PIK3CD: variants seen among roughly 807,000 people sequenced by gnomAD.
PIK3CD encodes the protein phosphatidylinositol-4,5-bisphosphate 3-kinase catalytic subunit delta, also known as phosphatidylinositol 4,5-bisphosphate 3-kinase catalytic subunit delta isoform.
PIK3CD carries 20 observed loss-of-function variants against 122.9 expected under a neutral mutation model. The observed-to-expected ratio is 0.16, with a 90% confidence interval of 0.11 to 0.24. The LOEUF (loss-of-function observed/expected upper bound fraction) is 0.24, where lower values mean the gene tolerates loss of function less well. PIK3CD is among the 10% of genes least tolerant of loss of function. The pLI is 1.00. For missense variants in PIK3CD, 787 were observed against 1,406.3 expected (o/e 0.56, Z 7.04); for synonymous variants, 596 against 593.4 (o/e 1.00, Z -0.06).
chr1:9,701,600 C>T (rs945910964), intron 2 of PIK3CD, among the ~76,000 whole-genome samples: 4 of 139,122 alleles, frequency 2.9e-5, no homozygotes, highest in East Asian at 2.2e-4. Flanking sequence ...ACCTGGGAGG[C>T]GGGGATTGCA....
rs570986988 is a variant in PIK3CD at position 9,704,291 on chromosome 1, T to G, written c.-32-6133T>G. On this transcript the variant is annotated intron_variant, in intron 2 of 23. Transcript: ENST00000377346. This position sits in a 1 kb window ranked among gnomAD's most constrained non-coding sequence, Gnocchi z 5.0. ...GTTGAAGACTTCATTTCCAGAGTGC[T>G]AAGGGGCAGGAGAGTGAGGGGTGTA... 6.6e-6 allele frequency among the ~76,000 whole-genome samples: 1 copy of G among 152,292 alleles called. No individual in the cohort carries two copies. Among genetic ancestry groups the G allele is most frequent in the East Asian group, 1.9e-4 (1 of 5,182 alleles).
At chr1:9,662,843 C>T (rs1165689144) in intron 1 of PIK3CD, among the ~76,000 whole-genome samples, 2 of 152,138 alleles carry the variant, frequency 1.3e-5, no homozygotes, top group Non-Finnish European at 2.9e-5. Context: ...TGCATGCCAC[C>T]ACGCCTGGCT....
rs143168081 is a variant in PIK3CD, at chr1:9,724,858, C to T, written c.2919C>T (p.Leu973=). ...CCATCCTGCGGCGCCACGGGCTTCTCTTCCTCCACCTCTTTGCCCTGATGC... is the reference window on the plus strand; with the variant it reads ...CCATCCTGCGGCGCCACGGGCTTCTTTTCCTCCACCTCTTTGCCCTGATGC... ...AYTILRRHGL[L]FLHLFALMRA... Residue 973 remains leucine (L), a synonymous_variant, in exon 23 of 24, where the codon CTC becomes CTT. Coordinates refer to ENST00000377346, the MANE Select transcript of PIK3CD (RefSeq NM_005026.5). The surrounding 1 kb of genome is among the most constrained non-coding windows in gnomAD (Gnocchi z 7.3). 1.5e-3 allele frequency: 2,454 copies of T among 1,614,064 alleles called. 1 individual carries two copies. Among genetic ancestry groups the T allele is most frequent in the Non-Finnish European group, 1.9e-3 (2,243 of 1,180,038 alleles).
intron 1 of PIK3CD, chr1:9,688,062 C>T (rs1394817640): frequency 6.6e-6 from 1 of 152,218 alleles, no homozygotes; most frequent in African/African-American, 2.4e-5. Flanking sequence ...CTGGTCCTTT[C>T]ATTCTGGGCT....
At chr1:9,699,144 A>G (rs1428250851) in intron 2 of PIK3CD, among the ~76,000 whole-genome samples, 4 of 152,098 alleles carry the variant, frequency 2.6e-5, no homozygotes, top group African/African-American at 9.7e-5. Flanking sequence ...TACGAGGTCA[A>G]GGCTACAGTG....
upstream of PIK3CD, among the ~76,000 whole-genome samples, chr1:9,647,868 G>A (rs1281864460): frequency 6.6e-6 from 1 of 152,110 alleles, no homozygotes; most frequent in African/African-American, 2.4e-5. Flanking sequence ...GAGTGTTTAT[G>A]GATGTAAAAC....
At chr1:9,668,621 C>T (rs138263200) in intron 1 of PIK3CD, among the ~76,000 whole-genome samples, 16 of 152,202 alleles carry the variant, frequency 1.1e-4, no homozygotes, top group Admixed American at 9.2e-4. Flanking sequence ...ATCCCTCACC[C>T]TCTCCCATGC....
chr1:9,707,305 AGGG>A (rs1252470191), intron 2 of PIK3CD, among the ~76,000 whole-genome samples: 5 of 150,748 alleles, frequency 3.3e-5, no homozygotes, highest in African/African-American at 1.2e-4. Context: ...AACAAGAGAG[AGGG>A]TAAATTGTGG....
chr1:9,664,977 A>C (rs1403325998), intron 1 of PIK3CD, among the ~76,000 whole-genome samples: 1 of 151,918 alleles, frequency 6.6e-6, no homozygotes, highest in Non-Finnish European at 1.5e-5. Flanking sequence ...CCAAGATGGG[A>C]AGATTGCTAG....
intron 2 of PIK3CD, among the ~76,000 whole-genome samples, chr1:9,696,901 G>T (rs563790400): frequency 6.6e-6 from 1 of 152,148 alleles, no homozygotes; most frequent in South Asian, 2.1e-4. Flanking sequence ...TTTGCATCCA[G>T]CCTGGGCAAT....
At chr1:9,687,916 T>TG (rs774399746) in intron 1 of PIK3CD, among the ~76,000 whole-genome samples, 16 of 150,150 alleles carry the variant, frequency 1.1e-4, no homozygotes, top group East Asian at 2.0e-4. Flanking sequence ...CTCTCCTCCT[T>TG]GGGGGGTGCT....
In PIK3CD at chr1:9,723,305, C is replaced by T. The variant is rs755768567; in HGVS notation, c.2594+13C>T. 2 of 1,613,590 alleles carry T rather than the reference C, an allele frequency of 1.2e-6. No homozygotes were observed. Among genetic ancestry groups the T allele is most frequent in the East Asian group, 2.2e-5 (1 of 44,876 alleles). On this transcript the variant is annotated intron_variant, in intron 20 of 23. Coordinates refer to ENST00000377346, the MANE Select transcript of PIK3CD (RefSeq NM_005026.5). This position sits in a 1 kb window ranked among gnomAD's most constrained non-coding sequence, Gnocchi z 4.9. The stretch of plus-strand genomic sequence containing the variant: ...CCAAGAACCCGGGGTGGGTTTCAGG[C>T]CCAGGGATAGGTTCCCTCTCCTTTC...
rs1160195279 is a variant in PIK3CD, at chr1:9,722,682, G to A, written c.2426+76G>A. 4.0e-6 allele frequency: 5 copies of A among 1,242,236 alleles called. No individual in the cohort carries two copies. The Admixed American group carries it at 7.0e-5, about 17-fold the overall frequency. The allele number at this position is 1,242,236 out of a possible 1,614,324, so 77.0% of individuals were successfully genotyped here. A position where few individuals can be genotyped will look rare whatever the true frequency, so the allele number is the denominator to read the frequency against. ...AGTCTGTGCCCCTGGAGGGGTCCTT[G>A]TTGAAGGTGGCATGACCATCTCAGC... On this transcript the variant is annotated intron_variant, in intron 19 of 23. Coordinates refer to ENST00000377346, the MANE Select transcript of PIK3CD (RefSeq NM_005026.5). The surrounding 1 kb of genome is among the most constrained non-coding windows in gnomAD (Gnocchi z 7.6).
intron 1 of PIK3CD, among the ~76,000 whole-genome samples, chr1:9,664,702 C>T (rs887284324): frequency 6.6e-6 from 1 of 152,168 alleles, no homozygotes; most frequent in African/African-American, 2.4e-5. Flanking sequence ...CTACAGAATC[C>T]AGCTGCTCAT....
intron 1 of PIK3CD, among the ~76,000 whole-genome samples, chr1:9,669,856 C>G (rs1490230067): frequency 6.6e-6 from 1 of 152,100 alleles, no homozygotes; most frequent in Admixed American, 6.6e-5. Flanking sequence ...TTTCTCGTTA[C>G]ACATCCTTCT....
At chr1:9,643,423 T>TGAGA in the PIK3CD span, among the ~76,000 whole-genome samples, 5 of 104,494 alleles carry the variant, frequency 4.8e-5, no homozygotes. Flanking sequence ...AGACAGAAAG[T>TGAGA]GAGAGAGAGA....
In PIK3CD at chr1:9,718,654, G is replaced by A; in HGVS notation, c.1021-40G>A. 1 of 1,562,532 alleles carries A rather than the reference G, an allele frequency of 6.4e-7. No individual in the cohort carries two copies. Among genetic ancestry groups the A allele is most frequent in the Non-Finnish European group, 8.7e-7 (1 of 1,146,298 alleles). On this transcript the variant is annotated intron_variant, in intron 8 of 23. Transcript: ENST00000377346. This position sits in a 1 kb window ranked among gnomAD's most constrained non-coding sequence, Gnocchi z 7.2. The stretch of plus-strand genomic sequence containing the variant: ...TTAAGGGGGAGGGGAGAGGGGCTGG[G>A]CCTCTGCCTCCTCACCCATCATCCC...
intron 2 of PIK3CD, among the ~76,000 whole-genome samples, chr1:9,706,283 G>A (rs1435663585): frequency 2.0e-5 from 3 of 150,566 alleles, no homozygotes; most frequent in African/African-American, 7.3e-5. Flanking sequence ...TTGAGCCCAG[G>A]AGTTCGAGAC....
chr1:9,645,918 T>A, the PIK3CD span, among the ~76,000 whole-genome samples: 1 of 151,852 alleles, frequency 6.6e-6, no homozygotes, highest in Non-Finnish European at 1.5e-5. Context: ...TTTTATTTTT[T>A]ATTTTTTATT....
Sources: gnomAD v4.1 joint callset for allele counts (sites outside exome capture counted in the v4.1 genomes callset) on GRCh38, gnomAD v4.1.1 for gene constraint, Gnocchi (gnomAD v3.1) non-coding constraint, MANE v1.5 for transcripts, NCBI Gene and HGNC (gene_info 2026-07-23, HGNC 2026-07-21) for gene names.